The following SOX5 variants were observed in gnomAD, a reference collection of about 807,000 sequenced individuals.
SOX5 encodes transcription factor SOX-5.
Under a neutral mutation model 92.0 loss-of-function variants are expected in SOX5, and 9 were observed. The observed-to-expected ratio is 0.10, with a 90% confidence interval of 0.06 to 0.17. SOX5 has a LOEUF of 0.17. Ranked by LOEUF, SOX5 falls within the 10% of genes least tolerant of loss-of-function variation. SOX5 has a pLI of 1.00. For missense variants in SOX5, 642 were observed against 944.5 expected (o/e 0.68, Z 4.20); for synonymous variants, 344 against 336.3 (o/e 1.02, Z -0.25).
intron 6 of SOX5, among the ~76,000 whole-genome samples, chr12:23,718,657 A>C (rs1468247404): frequency 6.9e-6 from 1 of 143,886 alleles, no homozygotes; most frequent in Non-Finnish European, 1.6e-5. Flanking sequence ...ATCCTGCATC[A>C]AAAACCTTAT....
rs1957303857 is a variant in SOX5, at chr12:24,376,690, C to CA, written c.-250-8052_-250-8051insT. Among the ~76,000 whole-genome samples the CA allele has an allele frequency of 2.8e-5, 2 of 70,572 alleles. 1 individual carries two copies. The highest frequency in any genetic ancestry group is 1.1e-4 in the African/African-American group (2 of 17,718). 46.3% of individuals were successfully genotyped at this position (70,572 alleles called of 152,430 possible). A position where few individuals can be genotyped will look rare whatever the true frequency, so the allele number is the denominator to read the frequency against. On this transcript the variant is annotated intron_variant, in intron 1 of 4. Transcript: ENST00000446891. ...CAGAATGATGCTATGGGAGAGATAC[C>CA]TTTTTTTTTTTTTTTTTTTTTTTTT...
At chr12:23,623,043 T>A (rs1387591171) in intron 8 of SOX5, among the ~76,000 whole-genome samples, 1 of 152,126 alleles carries the variant, frequency 6.6e-6, no homozygotes, top group African/African-American at 2.4e-5. Flanking sequence ...ATGGTGAAAC[T>A]TTTAAACCAT....
chr12:24,146,449 T>A (rs1046998415), intron 4 of SOX5, among the ~76,000 whole-genome samples: 1 of 152,066 alleles, frequency 6.6e-6, no homozygotes, highest in Non-Finnish European at 1.5e-5. Context: ...AATTAAAATA[T>A]AGCATGTCAA....
chr12:24,372,284 C>G (rs566542661), intron 1 of SOX5, among the ~76,000 whole-genome samples: 21 of 152,140 alleles, frequency 1.4e-4, no homozygotes, highest in Middle Eastern at 6.8e-3. Flanking sequence ...TCCCCACTAG[C>G]CCCCCAGCCC....
At chr12:24,423,697 T>C (rs1966280636) in intron 1 of SOX5, among the ~76,000 whole-genome samples, 1 of 152,244 alleles carries the variant, frequency 6.6e-6, no homozygotes, top group Non-Finnish European at 1.5e-5. Flanking sequence ...AAATGGCAAT[T>C]GTCCCAAATA....
At position 24,559,591 on chromosome 12, in the gene SOX5, T is replaced by TA. The variant is rs78401107; in HGVS notation, c.-251+2737dup. Among the ~76,000 whole-genome samples the TA allele has an allele frequency of 5.0e-3, 725 of 143,892 alleles. 7 individuals are homozygous for TA. The highest frequency in any genetic ancestry group is 0.014 in the African/African-American group (560 of 39,544). The allele number at this position is 143,892 out of a possible 152,430, so 94.4% of individuals were successfully genotyped here. On this transcript the variant is annotated intron_variant, in intron 1 of 4. Transcript: ENST00000446891. Reference sequence around the variant, plus strand: ...TCATATTTTAAACTTGCTTTGTAAGTAAAAAAAAAAAAATTCTTTAAGCAT... The same window carrying TA: ...TCATATTTTAAACTTGCTTTGTAAGTAAAAAAAAAAAAAATTCTTTAAGCAT...
At chr12:24,551,116 G>A (rs1025787775) in intron 1 of SOX5, among the ~76,000 whole-genome samples, 1 of 152,112 alleles carries the variant, frequency 6.6e-6, no homozygotes, top group Admixed American at 6.5e-5. Context: ...TCTCTGGATC[G>A]CATGTCACTC....
chr12:24,286,681 G>C (rs990855380), intron 2 of SOX5, among the ~76,000 whole-genome samples: 2 of 152,148 alleles, frequency 1.3e-5, no homozygotes, highest in Non-Finnish European at 2.9e-5. Context: ...GGGATTACAG[G>C]TGAGAGCCAC....
At chr12:23,907,715 TG>T (rs1310570126) in intron 1 of SOX5, among the ~76,000 whole-genome samples, 1 of 150,996 alleles carries the variant, frequency 6.6e-6, no homozygotes, top group Non-Finnish European at 1.5e-5. Flanking sequence ...TGTTCATTCA[TG>T]GATAACACTG....
intron 4 of SOX5, among the ~76,000 whole-genome samples, chr12:24,138,939 T>C (rs1217867110): frequency 6.6e-6 from 1 of 152,156 alleles, no homozygotes; most frequent in Non-Finnish European, 1.5e-5. Flanking sequence ...CCTGATAATA[T>C]GCAAGGCTAA....
intron 2 of SOX5, among the ~76,000 whole-genome samples, chr12:23,892,863 T>C (rs545956205): frequency 2.9e-4 from 44 of 152,272 alleles, no homozygotes; most frequent in African/African-American, 9.1e-4. Flanking sequence ...TATGCTGACA[T>C]ATAGAAAAAT....
intron 6 of SOX5, among the ~76,000 whole-genome samples, chr12:23,697,062 T>C (rs555648750): frequency 4.6e-5 from 7 of 152,314 alleles, no homozygotes; most frequent in African/African-American, 1.7e-4. Flanking sequence ...ATTATTCTTC[T>C]GTTGTTGGGT....
intron 6 of SOX5, among the ~76,000 whole-genome samples, chr12:23,721,003 T>C (rs2092784314): frequency 6.6e-6 from 1 of 152,122 alleles, no homozygotes; most frequent in Non-Finnish European, 1.5e-5. Context: ...TTCTGGACCA[T>C]ATCTTCATCT....
chr12:23,641,579 T>C (rs1013058810), intron 7 of SOX5, among the ~76,000 whole-genome samples: 1 of 152,318 alleles, frequency 6.6e-6, no homozygotes, highest in East Asian at 1.9e-4. Flanking sequence ...GAAGTTTTAC[T>C]GTTATATGAC....
At chr12:24,378,477 T>C (rs566198707) in intron 1 of SOX5, among the ~76,000 whole-genome samples, 8 of 152,364 alleles carry the variant, frequency 5.3e-5, no homozygotes, top group Admixed American at 5.2e-4. Flanking sequence ...CCCCTAGCTC[T>C]GTCCTTGGCA....
intron 1 of SOX5, among the ~76,000 whole-genome samples, chr12:24,469,210 A>G (rs1944533400): frequency 6.6e-6 from 1 of 152,092 alleles, no homozygotes; most frequent in East Asian, 1.9e-4. Context: ...AGTAGGGTCC[A>G]GGTTCCTATG....
intron 1 of SOX5, among the ~76,000 whole-genome samples, chr12:24,389,776 G>T (rs1316977380): frequency 6.6e-6 from 1 of 152,272 alleles, no homozygotes; most frequent in South Asian, 2.1e-4. Context: ...AACTCATGAG[G>T]TTTAACATTT....
intron 1 of SOX5, among the ~76,000 whole-genome samples, chr12:23,910,075 A>G (rs1281507659): frequency 6.6e-6 from 1 of 152,142 alleles, no homozygotes; most frequent in African/African-American, 2.4e-5. Context: ...AAGGCTACAT[A>G]AACTTACTTG....
intron 3 of SOX5, among the ~76,000 whole-genome samples, chr12:23,835,012 A>C (rs2096389444): frequency 6.6e-6 from 1 of 151,890 alleles, no homozygotes; most frequent in South Asian, 2.1e-4. Flanking sequence ...ATTTTCACCT[A>C]AACTGTAATT....
Sources: gnomAD v4.1 joint callset for allele counts (sites outside exome capture counted in the v4.1 genomes callset) on GRCh38, gnomAD v4.1.1 for gene constraint, MANE v1.5 for transcripts, NCBI Gene and HGNC (gene_info 2026-07-23, HGNC 2026-07-21) for gene names.